Variants in THSD4 observed in about 807,000 individuals in gnomAD.
THSD4 encodes thrombospondin type-1 domain-containing protein 4.
In THSD4, 69 loss-of-function variants were observed where a neutral mutation model predicts 119.0. That is an observed-to-expected ratio of 0.58 (90% CI 0.48 to 0.71). The LOEUF is 0.71. Among genes scored for constraint, THSD4 ranks in the 30% least tolerant of loss-of-function variants. The probability of loss-of-function intolerance (pLI) is 0.00; values close to 1 mark genes in which losing one functional copy is unlikely to be tolerated. For missense variants in THSD4, 1,393 were observed against 1,391.1 expected, an observed-to-expected ratio of 1.00 and a Z score of -0.02; for synonymous variants, 524 against 540.4, an observed-to-expected ratio of 0.97 and a Z score of 0.42.
intron 7 of THSD4, among the ~76,000 whole-genome samples, chr15:71,518,849 G>T (rs1027350097): frequency 2.0e-5 from 3 of 152,162 alleles, no homozygotes; most frequent in African/African-American, 7.2e-5. Flanking sequence ...GGTTACTGTG[G>T]CCAGGCACTG....
chr15:71,244,281 C>T lies in THSD4; in HGVS notation c.912+1185C>T, dbSNP rs148294656. ...TTTTAAAATATCAGTTTAAAGACTGCGTATTAAAGAGAAGTGAATGAGAGG... is the reference window on the plus strand; with the variant it reads ...TTTTAAAATATCAGTTTAAAGACTGTGTATTAAAGAGAAGTGAATGAGAGG... On this transcript the variant is annotated intron_variant, in intron 5 of 17. Coordinates refer to ENST00000261862, the MANE Select transcript of THSD4 (RefSeq NM_024817.3). Among the ~76,000 whole-genome samples the T allele has an allele frequency of 1.6e-3, 248 of 152,104 alleles. 1 individual carries two copies. Among genetic ancestry groups the T allele is most frequent in the African/African-American group, 5.0e-3 (209 of 41,460 alleles).
At chr15:71,490,429 G>A (rs1046419164) in intron 7 of THSD4, among the ~76,000 whole-genome samples, 27 of 152,166 alleles carry the variant, frequency 1.8e-4, no homozygotes, top group Non-Finnish European at 7.4e-5. Flanking sequence ...GCCTGGTGGC[G>A]GGTGCCTGTA....
At chr15:71,607,875 CTT>C (rs1555431509) in intron 7 of THSD4, among the ~76,000 whole-genome samples, 1 of 152,134 alleles carries the variant, frequency 6.6e-6, no homozygotes, top group Non-Finnish European at 1.5e-5. Flanking sequence ...CTAACAGTCT[CTT>C]TGCCAAGGTT....
At chr15:71,380,542 A>G (rs1347662670) in intron 6 of THSD4, among the ~76,000 whole-genome samples, 2 of 152,124 alleles carry the variant, frequency 1.3e-5, no homozygotes, top group Non-Finnish European at 2.9e-5. Context: ...GTATCAAAAG[A>G]CCAAAGTACA....
At chr15:71,695,230 G>C (rs953983728) in intron 8 of THSD4, among the ~76,000 whole-genome samples, 1 of 152,118 alleles carries the variant, frequency 6.6e-6, no homozygotes, top group Admixed American at 6.5e-5. Flanking sequence ...TATAACCCAA[G>C]TGTGCATCCC....
At chr15:71,308,357 T>C (rs1260308328) in intron 6 of THSD4, among the ~76,000 whole-genome samples, 2 of 152,204 alleles carry the variant, frequency 1.3e-5, no homozygotes, top group Non-Finnish European at 2.9e-5. Flanking sequence ...AATGATTGAA[T>C]TCAAGTCAAA....
At chr15:71,404,731 C>G (rs2046581381) in intron 6 of THSD4, among the ~76,000 whole-genome samples, 1 of 152,164 alleles carries the variant, frequency 6.6e-6, no homozygotes, top group South Asian at 2.1e-4. Flanking sequence ...AGGATAACAG[C>G]AACAAGGTGC....
intron 6 of THSD4, among the ~76,000 whole-genome samples, chr15:71,324,460 C>G (rs529053933): frequency 1.3e-5 from 2 of 152,094 alleles, no homozygotes; most frequent in Non-Finnish European, 2.9e-5. Flanking sequence ...TTGCTCTCTC[C>G]CATCCTCCCC....
intron 6 of THSD4, among the ~76,000 whole-genome samples, chr15:71,388,050 T>C (rs895206981): frequency 2.0e-5 from 3 of 152,234 alleles, no homozygotes; most frequent in Non-Finnish European, 4.4e-5. Flanking sequence ...TTTACACACA[T>C]AAACAGAAGA....
intron 7 of THSD4, among the ~76,000 whole-genome samples, chr15:71,427,385 G>A (rs1312552074): frequency 2.0e-4 from 30 of 151,828 alleles, no homozygotes; most frequent in African/African-American, 2.4e-5. Context: ...ATGCTATGAA[G>A]CATTCAGATG....
chr15:71,711,081 ATG>A lies in THSD4; in HGVS notation c.1358-17466_1358-17465del, dbSNP rs1567113164. On this transcript the variant is annotated intron_variant, in intron 8 of 17. Coordinates refer to ENST00000261862, the MANE Select transcript of THSD4 (RefSeq NM_024817.3). ...TGATTATTGAAAGCAAAATATATATATGTATATATATATACATATATATATAT... is the reference window on the plus strand; with the variant it reads ...TGATTATTGAAAGCAAAATATATATATATATATATATACATATATATATAT... Among the ~76,000 whole-genome samples, 361 of 148,366 alleles carry A rather than the reference ATG, an allele frequency of 2.4e-3. 2 individuals carry two copies. Among genetic ancestry groups the A allele is most frequent in the African/African-American group, 8.6e-3 (348 of 40,608 alleles).
intron 8 of THSD4, among the ~76,000 whole-genome samples, chr15:71,675,510 G>A (rs974102648): frequency 7.9e-5 from 12 of 152,164 alleles, no homozygotes; most frequent in Admixed American, 4.6e-4. Flanking sequence ...AATAAAGGTC[G>A]TGCTGGCTCT....
At chr15:71,675,881 A>C (rs1330771852) in intron 8 of THSD4, among the ~76,000 whole-genome samples, 1 of 152,112 alleles carries the variant, frequency 6.6e-6, no homozygotes, top group African/African-American at 2.4e-5. Flanking sequence ...GTGTCTTCTC[A>C]CTTCCCAGCC....
chr15:71,238,740 T>C (rs531232830), intron 4 of THSD4, among the ~76,000 whole-genome samples: 3 of 152,382 alleles, frequency 2.0e-5, no homozygotes, highest in South Asian at 4.1e-4. Flanking sequence ...TTATGAATAA[T>C]GTAGCTATGA....
intron 2 of THSD4, among the ~76,000 whole-genome samples, chr15:71,148,237 A>G (rs932780600): frequency 4.6e-5 from 7 of 152,308 alleles, no homozygotes; most frequent in Non-Finnish European, 1.0e-4. Flanking sequence ...TCCAAGACCA[A>G]GGCAGATCCA....
chr15:71,206,218 G>A (rs972739672), intron 3 of THSD4, among the ~76,000 whole-genome samples: 1 of 152,240 alleles, frequency 6.6e-6, no homozygotes, highest in African/African-American at 2.4e-5. Flanking sequence ...CACCACGTTG[G>A]CCAGGCTAGT....
In THSD4 at chr15:71,215,746, G is replaced by C. The variant is rs566076761; in HGVS notation, c.464+347G>C. On this transcript the variant is annotated intron_variant, in intron 4 of 17. Transcript: ENST00000261862. ...GGGTGCCGGGAAGGAGAGATCCTCAGCCTGTGTGGATTAAAGCTGAGGACA... is the reference window on the plus strand; with the variant it reads ...GGGTGCCGGGAAGGAGAGATCCTCACCCTGTGTGGATTAAAGCTGAGGACA... Among the ~76,000 whole-genome samples, 8 of 152,164 alleles carry C rather than the reference G, an allele frequency of 5.3e-5. No homozygotes were observed. In the South Asian group the frequency reaches 1.2e-3, roughly 24 times the overall value.
chr15:71,195,202 A>G (rs28549197), intron 3 of THSD4, among the ~76,000 whole-genome samples: 19,697 of 152,200 alleles, frequency 0.13, 1,693 homozygotes, highest in African/African-American at 0.23. Flanking sequence ...ATAGAGATGT[A>G]TATGCATCCC....
intron 5 of THSD4, among the ~76,000 whole-genome samples, chr15:71,252,502 A>G (rs1055133667): frequency 6.6e-6 from 1 of 152,238 alleles, no homozygotes; most frequent in Non-Finnish European, 1.5e-5. Context: ...GAGGCCAGCC[A>G]CTTCGCCAGG....
Sources: gnomAD v4.1 joint callset for allele counts (sites outside exome capture counted in the v4.1 genomes callset) on GRCh38, gnomAD v4.1.1 for gene constraint, MANE v1.5 for transcripts, NCBI Gene and HGNC (gene_info 2026-07-23, HGNC 2026-07-21) for gene names.